MSI2: variants seen among roughly 807,000 people sequenced by gnomAD.
MSI2 encodes musashi RNA binding protein 2.
Under a neutral mutation model 45.6 loss-of-function variants are expected in MSI2, and 17 were observed. The ratio of observed to expected loss-of-function variants is 0.37; its 90% CI spans 0.26 to 0.56. MSI2 has a LOEUF of 0.56. Ranked by LOEUF, MSI2 falls within the 20% of genes least tolerant of loss-of-function variation. The pLI is 0.77. For missense variants in MSI2, 293 were observed against 444.2 expected (o/e 0.66, Z 3.06); for synonymous variants, 156 against 158.2 (o/e 0.99, Z 0.11).
intron 5 of MSI2, among the ~76,000 whole-genome samples, chr17:57,354,766 A>G (rs1389924922): frequency 6.6e-6 from 1 of 152,168 alleles, no homozygotes; most frequent in East Asian, 1.9e-4. Context: ...TTGTATTAAT[A>G]CAAAGGAGCA....
intron 6 of MSI2, among the ~76,000 whole-genome samples, chr17:57,474,077 G>A (rs1253831633): frequency 1.5e-4 from 23 of 152,056 alleles, no homozygotes. Flanking sequence ...GCAGATGAGG[G>A]GATATAGGAA....
chr17:57,372,270 C>T (rs1301765318), intron 5 of MSI2, among the ~76,000 whole-genome samples: 1 of 152,158 alleles, frequency 6.6e-6, no homozygotes. Flanking sequence ...AACACACTGA[C>T]CTACCCACCT....
In MSI2 at chr17:57,484,159, C is replaced by T. The variant is rs78603033; in HGVS notation, c.406-45517C>T. ...GGCTGAGAGGCCATTCTCTCTGGCT[C>T]ACCTTCCTCCCTGTGACTGTTCTTG... On this transcript the variant is annotated intron_variant, in intron 6 of 13. Transcript: ENST00000284073. 7.8e-3 allele frequency among the ~76,000 whole-genome samples: 1,194 copies of T among 152,336 alleles called. 12 individuals carry two copies. The highest frequency in any genetic ancestry group is 0.027 in the African/African-American group (1,114 of 41,566).
chr17:57,526,741 A>G (rs2144043678), intron 6 of MSI2, among the ~76,000 whole-genome samples: 1 of 152,054 alleles, frequency 6.6e-6, no homozygotes, highest in South Asian at 2.1e-4. Context: ...ACTTATCCAT[A>G]TTGATTTTTC....
At chr17:57,540,926 C>T (rs994520538) in intron 7 of MSI2, among the ~76,000 whole-genome samples, 1 of 152,202 alleles carries the variant, frequency 6.6e-6, no homozygotes, top group African/African-American at 2.4e-5. Flanking sequence ...TGTCCCCTTG[C>T]TCACTACTGG....
chr17:57,327,698 A>G (rs950615848), intron 5 of MSI2, among the ~76,000 whole-genome samples: 1 of 152,126 alleles, frequency 6.6e-6, no homozygotes, highest in South Asian at 2.1e-4. Context: ...TGCTTTCACA[A>G]TCTTGTCGCA....
intron 6 of MSI2, among the ~76,000 whole-genome samples, chr17:57,414,507 A>G (rs1211897196): frequency 6.6e-6 from 1 of 151,984 alleles, no homozygotes; most frequent in African/African-American, 2.4e-5. Context: ...CTCCTGCCTC[A>G]GCCTCCCAAG....
At chr17:57,530,381 T>C (rs1044602615) in intron 7 of MSI2, among the ~76,000 whole-genome samples, 3 of 152,180 alleles carry the variant, frequency 2.0e-5, no homozygotes, top group Non-Finnish European at 4.4e-5. Context: ...TTGGACAAAT[T>C]CTCAAAAGGG....
rs1913613721 is a variant in MSI2, at chr17:57,681,784, T to G, written c.*2267T>G. 1 of 189,056 alleles carries G rather than the reference T, an allele frequency of 5.3e-6. No homozygotes were observed. Among genetic ancestry groups the G allele is most frequent in the Non-Finnish European group, 1.1e-5 (1 of 91,306 alleles). 11.7% of individuals were successfully genotyped at this position (189,056 alleles called of 1,614,324 possible). On this transcript the variant is annotated 3_prime_UTR_variant, in exon 14 of 14. Coordinates refer to ENST00000284073, the MANE Select transcript of MSI2 (RefSeq NM_138962.4). ...AGCGCTTTTAAAATATCAAAACTTG[T>G]TCAAGTCATAAAACAACAAAACATA... is the stretch of plus-strand genomic sequence containing the variant.
intron 6 of MSI2, among the ~76,000 whole-genome samples, chr17:57,499,280 G>T (rs2086047276): frequency 6.6e-6 from 1 of 151,236 alleles, no homozygotes; most frequent in Non-Finnish European, 1.5e-5. Flanking sequence ...GGAGGCTGAG[G>T]CAGGAGAATT....
At chr17:57,586,510 A>AG (rs920220829) in intron 7 of MSI2, among the ~76,000 whole-genome samples, 7 of 151,962 alleles carry the variant, frequency 4.6e-5, no homozygotes, top group African/African-American at 1.5e-4. Flanking sequence ...TTAAAAAAAA[A>AG]AAAATCTCCT....
At chr17:57,286,983 T>A (rs1360032854) in intron 5 of MSI2, among the ~76,000 whole-genome samples, 1 of 152,080 alleles carries the variant, frequency 6.6e-6, no homozygotes, top group Non-Finnish European at 1.5e-5. Context: ...AGGGAGAGGC[T>A]GGCCTGGAGG....
intron 5 of MSI2, among the ~76,000 whole-genome samples, chr17:57,345,400 A>G (rs1195609194): frequency 1.3e-5 from 2 of 152,030 alleles, no homozygotes; most frequent in Middle Eastern, 3.2e-3. Flanking sequence ...GAGGTAACCA[A>G]CCTCACCCTT....
chr17:57,480,691 C>T (rs917830444), intron 6 of MSI2, among the ~76,000 whole-genome samples: 2 of 152,138 alleles, frequency 1.3e-5, no homozygotes, highest in Admixed American at 1.3e-4. Context: ...AGATTTAGCT[C>T]AAAAATCCTG....
At chr17:57,695,904 T>C in the MSI2 span, among the ~76,000 whole-genome samples, 3 of 152,146 alleles carry the variant, frequency 2.0e-5, no homozygotes, top group Non-Finnish European at 4.4e-5. Context: ...CTCTCCTCAC[T>C]GTGCGTGTGT....
intron 5 of MSI2, among the ~76,000 whole-genome samples, chr17:57,396,309 A>G (rs1314662278): frequency 6.6e-6 from 1 of 151,842 alleles, no homozygotes; most frequent in African/African-American, 2.4e-5. Flanking sequence ...TGTTGGAATT[A>G]AGTTTTCCCT....
intron 5 of MSI2, among the ~76,000 whole-genome samples, chr17:57,283,440 A>T (rs1226400325): frequency 6.6e-6 from 1 of 152,162 alleles, no homozygotes; most frequent in Non-Finnish European, 1.5e-5. Flanking sequence ...TTTGTCTGTT[A>T]TAATCGGAAA....
chr17:57,450,697 A>T lies in MSI2; in HGVS notation c.405+49226A>T, dbSNP rs975806929. On this transcript the variant is annotated intron_variant, in intron 6 of 13. Transcript: ENST00000284073. ...AAAAAAAAAAAAAAAAAAAAAAAAA[A>T]GGTGAGTAAAGGCAAAAGTCCCCTT... is the stretch of plus-strand genomic sequence containing the variant. 2.7e-3 allele frequency among the ~76,000 whole-genome samples: 378 copies of T among 138,072 alleles called. 5 individuals carry two copies. Among genetic ancestry groups the T allele is most frequent in the Middle Eastern group, 0.022 (6 of 272 alleles). 90.6% of individuals were successfully genotyped at this position (138,072 alleles called of 152,430 possible).
At chr17:57,538,521 C>T (rs146973193) in intron 7 of MSI2, among the ~76,000 whole-genome samples, 11 of 152,282 alleles carry the variant, frequency 7.2e-5, no homozygotes, top group African/African-American at 2.4e-4. Flanking sequence ...GTAACACACC[C>T]GCTCTGTAAG....
Sources: allele counts gnomAD v4.1 joint callset (sites outside exome capture counted in the v4.1 genomes callset), GRCh38; gene constraint gnomAD v4.1.1; transcripts MANE v1.5; gene names NCBI Gene and HGNC (gene_info 2026-07-23, HGNC 2026-07-21).